Variants in IP6K2 observed in about 807,000 individuals in gnomAD.
The protein encoded by IP6K2 is ATP:1D-myo-inositol-hexakisphosphate phosphotransferase.
In IP6K2, 9 loss-of-function variants were observed where a neutral mutation model predicts 43.3. That is an observed-to-expected ratio of 0.21 (90% confidence interval 0.13 to 0.36). The LOEUF is 0.36. Ranked by LOEUF, IP6K2 falls within the 10% of genes least tolerant of loss-of-function variation. The pLI is 1.00. For missense variants in IP6K2, 332 were observed against 538.4 expected (o/e 0.62, Z 3.79); for synonymous variants, 209 against 202.4 (o/e 1.03, Z -0.28).
intron 2 of IP6K2, chr3:48,694,151 A>T: frequency 6.5e-7 from 1 of 1,542,276 alleles, no homozygotes; most frequent in Non-Finnish European, 8.7e-7. Context: ...TGGGGTATTC[A>T]GGCCACACTT....
chr3:48,714,586 T>C (rs1017664064), intron 1 of IP6K2, among the ~76,000 whole-genome samples: 3 of 152,124 alleles, frequency 2.0e-5, no homozygotes, highest in Non-Finnish European at 4.4e-5. Flanking sequence ...AGAGACGGGG[T>C]TTCACCAGGT....
In IP6K2 at chr3:48,693,976, C is replaced by T. The variant is rs562407041; in HGVS notation, c.203-797G>A. 1.6e-5 allele frequency: 22 copies of T among 1,378,834 alleles called. No individual in the cohort carries two copies. In the South Asian group the frequency reaches 1.6e-4, roughly 10 times the overall value. The allele number at this position is 1,378,834 out of a possible 1,614,324, so 85.4% of individuals were successfully genotyped here. On this transcript the variant is annotated intron_variant, in intron 2 of 5. Coordinates refer to ENST00000328631, the MANE Select transcript of IP6K2 (RefSeq NM_016291.4). ...CAGGTGGGGGCGTTTCAGCAGGTGC[C>T]GACGAGCGCCTTACAAACGACTGGC...
At position 48,695,057 on chromosome 3, in the gene IP6K2, A is replaced by C; in HGVS notation, c.202+33T>G. On this transcript the variant is annotated intron_variant, in intron 2 of 5. Transcript: ENST00000328631. This position sits in a 1 kb window ranked among gnomAD's most constrained non-coding sequence, Gnocchi z 4.6. ...CCACGATCTCTCACATCTCCTCGCC[A>C]GTGTGGCAACCCCTCCAGCAGCTGG... is the stretch of plus-strand genomic sequence containing the variant. 3 of 1,614,096 alleles carry C rather than the reference A, an allele frequency of 1.9e-6. No homozygotes were observed. The South Asian group carries it at 3.3e-5, about 18-fold the overall frequency.
chr3:48,709,226 C>T (rs979905338), intron 1 of IP6K2, among the ~76,000 whole-genome samples: 2 of 152,208 alleles, frequency 1.3e-5, no homozygotes, highest in African/African-American at 4.8e-5. Context: ...TGATTCAGTC[C>T]CAATGGGCAG....
intron 1 of IP6K2, among the ~76,000 whole-genome samples, chr3:48,697,323 GT>G (rs1353950292): frequency 1.3e-5 from 2 of 150,346 alleles, no homozygotes; most frequent in African/African-American, 4.9e-5. Flanking sequence ...CCGGCCAGTT[GT>G]TTTTTCATTT....
chr3:48,702,711 C>A (rs141803014), intron 1 of IP6K2, among the ~76,000 whole-genome samples: 1 of 152,182 alleles, frequency 6.6e-6, no homozygotes, highest in African/African-American at 2.4e-5. Flanking sequence ...GCACTTATCA[C>A]CGTCTGACAT....
intron 1 of IP6K2, among the ~76,000 whole-genome samples, chr3:48,716,030 A>G (rs1403875568): frequency 6.6e-6 from 1 of 152,186 alleles, no homozygotes; most frequent in Non-Finnish European, 1.5e-5. Flanking sequence ...CTAAAGTTAA[A>G]ACAACACCCT....
chr3:48,704,738 GC>G, intron 1 of IP6K2, among the ~76,000 whole-genome samples: 1 of 152,144 alleles, frequency 6.6e-6, no homozygotes, highest in South Asian at 2.1e-4. Context: ...CTCCCAAAGT[GC>G]TGGGATTAGA....
intron 1 of IP6K2, among the ~76,000 whole-genome samples, chr3:48,710,494 CTTAAG>C (rs1404960176): frequency 1.3e-5 from 2 of 152,208 alleles, no homozygotes; most frequent in Non-Finnish European, 2.9e-5. Flanking sequence ...TTACAAGGAG[CTTAAG>C]TTATTTTCCA....
chr3:48,693,268 AC>A (rs1481332284), intron 2 of IP6K2, 89 bp from the exon 3 acceptor site: 1 of 1,275,166 alleles, frequency 7.8e-7, no homozygotes, highest in African/African-American at 1.5e-5. Flanking sequence ...TTTTTTTCTT[AC>A]CCAGTTCCTT....
intron 1 of IP6K2, among the ~76,000 whole-genome samples, chr3:48,715,749 C>T (rs1221344744): frequency 1.5e-5 from 2 of 135,152 alleles, no homozygotes; most frequent in Non-Finnish European, 3.1e-5. Context: ...CAGGGTGTTG[C>T]TATGTTGCCC....
chr3:48,703,536 C>A (rs1176534484), intron 1 of IP6K2, among the ~76,000 whole-genome samples: 1 of 143,934 alleles, frequency 6.9e-6, no homozygotes, highest in Non-Finnish European at 1.5e-5. Context: ...AACCCCATCT[C>A]TACTAAAAAT....
At chr3:48,696,697 G>C (rs2078393631) in intron 1 of IP6K2, among the ~76,000 whole-genome samples, 1 of 152,302 alleles carries the variant, frequency 6.6e-6, no homozygotes, top group South Asian at 2.1e-4. Flanking sequence ...TCTGTACAGG[G>C]ATTTTACTGG....
chr3:48,715,324 C>G (rs1167487508), intron 1 of IP6K2: 1 of 1,536,150 alleles, frequency 6.5e-7, no homozygotes, highest in East Asian at 2.4e-5. Context: ...CCTCAGTAAG[C>G]TGGCCTCAGG....
At chr3:48,697,021 CT>C (rs1174990891) in intron 1 of IP6K2, among the ~76,000 whole-genome samples, 48 of 143,868 alleles carry the variant, frequency 3.3e-4, no homozygotes, top group Non-Finnish European at 4.2e-4. Flanking sequence ...TGAATTTTTA[CT>C]TTTTTTTTTT....
intron 1 of IP6K2, among the ~76,000 whole-genome samples, chr3:48,710,339 A>G (rs2080338703): frequency 6.6e-6 from 1 of 152,140 alleles, no homozygotes; most frequent in Non-Finnish European, 1.5e-5. Context: ...ACTGTGAGCT[A>G]TGAGATTGTG....
chr3:48,713,297 C>G (rs900869799), intron 1 of IP6K2, among the ~76,000 whole-genome samples: 1 of 152,204 alleles, frequency 6.6e-6, no homozygotes, highest in Non-Finnish European at 1.5e-5. Flanking sequence ...GCAGCCCCAA[C>G]TAAAAGAGCA....
At chr3:48,709,570 GGCTCACGCCT>G (rs1471092015) in intron 1 of IP6K2, among the ~76,000 whole-genome samples, 1 of 152,216 alleles carries the variant, frequency 6.6e-6, no homozygotes, top group Non-Finnish European at 1.5e-5. Flanking sequence ...TGGGCGCGGT[GGCTCACGCCT>G]GTAATCCCAG....
intron 1 of IP6K2, among the ~76,000 whole-genome samples, chr3:48,712,242 A>AAT (rs59955973): frequency 7.2e-6 from 1 of 139,620 alleles, no homozygotes; most frequent in African/African-American, 2.6e-5. Context: ...CAAAAAAAAA[A>AAT]TTTTTTTTTT....
Sources: gnomAD v4.1 joint callset for allele counts (sites outside exome capture counted in the v4.1 genomes callset) on GRCh38, gnomAD v4.1.1 for gene constraint, Gnocchi (gnomAD v3.1) non-coding constraint, MANE v1.5 for transcripts, NCBI Gene and HGNC (gene_info 2026-07-23, HGNC 2026-07-21) for gene names.